SMIM14: variants seen among roughly 807,000 people sequenced by gnomAD.
The protein encoded by SMIM14 is chromosome 4 open reading frame 34.
SMIM14 carries 5 observed loss-of-function variants against 12.6 expected under a neutral mutation model. The observed-to-expected ratio is 0.40, with a 90% CI of 0.21 to 0.83. The LOEUF is 0.83. Among genes scored for constraint, SMIM14 ranks in the 40% least tolerant of loss-of-function variants. The pLI is 0.37. For synonymous variants in SMIM14, 30 were observed against 40.1 expected (o/e 0.75, Z 0.95); for missense variants, 86 against 119.1 (o/e 0.72, Z 1.29).
At position 39,637,664 on chromosome 4, in the gene SMIM14, G is replaced by A. The variant is rs566415254; in HGVS notation, c.-36+1075C>T. ...GGTCGCAGTGCTGTCGACGGCCGCG[G>A]AGAGCGGCAAGTTCGGAGCAGGCTA... On this transcript the variant is annotated intron_variant, in intron 1 of 4. Transcript: ENST00000295958. 8.5e-5 allele frequency among the ~76,000 whole-genome samples: 13 copies of A among 152,158 alleles called. 1 individual carries two copies. In the South Asian group the frequency reaches 2.7e-3, roughly 32 times the overall value.
intron 2 of SMIM14, among the ~76,000 whole-genome samples, chr4:39,587,735 G>A (rs942147262): frequency 3.3e-5 from 5 of 152,112 alleles, no homozygotes; most frequent in African/African-American, 9.6e-5. Context: ...CTGGGTGACA[G>A]AGCAAGACCC....
In SMIM14 at chr4:39,551,648, A is replaced by G. The variant is rs981160850; in HGVS notation, c.*478T>C. On this transcript the variant is annotated 3_prime_UTR_variant, in exon 5 of 5. Transcript: ENST00000295958. ...CCATCCACAAATAAACTACCAAGGT[A>G]AATGTAAATACAGCGTGGTTCTAAT... 1 of 152,722 alleles carries G rather than the reference A, an allele frequency of 6.5e-6. No individual in the cohort carries two copies. The highest frequency in any genetic ancestry group is 1.5e-5 in the Non-Finnish European group (1 of 68,086). 9.5% of individuals were successfully genotyped at this position (152,722 alleles called of 1,614,324 possible).
chr4:39,552,680 T>C (rs1346308041), intron 4 of SMIM14, among the ~76,000 whole-genome samples: 2 of 152,196 alleles, frequency 1.3e-5, no homozygotes, highest in African/African-American at 4.8e-5. Context: ...GTTGTTAGTA[T>C]GAGGAAAGAA....
rs1205601107 is a variant in SMIM14 at position 39,558,834 on chromosome 4, C to T, written c.125-2264G>A. Among the ~76,000 whole-genome samples, 1 of 152,088 alleles carries T rather than the reference C, an allele frequency of 6.6e-6. No homozygotes were observed. The highest frequency in any genetic ancestry group is 1.5e-5 in the Non-Finnish European group (1 of 68,020). ...AGCAATTCTCCTGTCTCAGTCTCCC[C>T]TGTAGCTGGGATTACAGGCACATGC... On this transcript the variant is annotated intron_variant, in intron 3 of 4. Transcript: ENST00000295958. This position sits in a 1 kb window ranked among gnomAD's most constrained non-coding sequence, Gnocchi z 4.3.
At chr4:39,617,338 G>A (rs866532107) in intron 1 of SMIM14, among the ~76,000 whole-genome samples, 4 of 152,090 alleles carry the variant, frequency 2.6e-5, no homozygotes, top group African/African-American at 9.7e-5. Flanking sequence ...CACTGTATAC[G>A]ATTATGTGTT....
intron 3 of SMIM14, among the ~76,000 whole-genome samples, chr4:39,565,937 C>CCA (rs1712549422): frequency 6.6e-6 from 1 of 151,970 alleles, no homozygotes; most frequent in African/African-American, 2.4e-5. Context: ...TTGACTGCCA[C>CCA]CATGTAAGAC....
chr4:39,620,179 GAA>G (rs112205096), intron 1 of SMIM14, among the ~76,000 whole-genome samples: 13 of 133,454 alleles, frequency 9.7e-5, no homozygotes, highest in East Asian at 4.2e-4. Context: ...TCTCTATTAA[GAA>G]AAAAAAAAAA....
chr4:39,622,592 G>A (rs1202014325), intron 1 of SMIM14, among the ~76,000 whole-genome samples: 1 of 152,078 alleles, frequency 6.6e-6, no homozygotes, highest in Admixed American at 6.6e-5. Context: ...GTAGAGACAG[G>A]GTTTCAGCAT....
intron 2 of SMIM14, among the ~76,000 whole-genome samples, chr4:39,575,025 A>AAAAAC (rs1437484664): frequency 3.9e-5 from 6 of 152,162 alleles, no homozygotes; most frequent in Admixed American, 1.3e-4. Context: ...GTTTCAAAAC[A>AAAAAC]AAAACAAAAC....
chr4:39,556,820 C>T (rs1339333286), intron 3 of SMIM14, among the ~76,000 whole-genome samples: 1 of 152,070 alleles, frequency 6.6e-6, no homozygotes, highest in Non-Finnish European at 1.5e-5. Flanking sequence ...CAGGGTCTTG[C>T]TCTATCAAAC....
At chr4:39,573,702 G>GA (rs903609271) in intron 2 of SMIM14, among the ~76,000 whole-genome samples, 41 of 149,774 alleles carry the variant, frequency 2.7e-4, no homozygotes, top group African/African-American at 2.4e-4. Flanking sequence ...AGCAGATAAA[G>GA]AAAAAAAAAC....
At chr4:39,581,330 T>C (rs1471092524) in intron 2 of SMIM14, among the ~76,000 whole-genome samples, 1 of 152,096 alleles carries the variant, frequency 6.6e-6, no homozygotes, top group African/African-American at 2.4e-5. Context: ...ACAATGGAGT[T>C]TTACACAGTT....
chr4:39,576,300 G>A (rs1713166652), intron 2 of SMIM14, among the ~76,000 whole-genome samples: 1 of 151,786 alleles, frequency 6.6e-6, no homozygotes, highest in Non-Finnish European at 1.5e-5. Flanking sequence ...AAATAGCATG[G>A]TATGACAGAA....
At chr4:39,554,824 C>T (rs1441092583) in intron 4 of SMIM14, among the ~76,000 whole-genome samples, 3 of 146,350 alleles carry the variant, frequency 2.0e-5, no homozygotes, top group Non-Finnish European at 4.5e-5. Context: ...CTGGCAAATT[C>T]ATGGAATTTT....
chr4:39,549,695 A>G lies in SMIM14; in HGVS notation c.*2431T>C, dbSNP rs1356802455. 2 of 152,212 alleles carry G rather than the reference A, an allele frequency of 1.3e-5. No individual in the cohort carries two copies. The highest frequency in any genetic ancestry group is 4.8e-5 in the African/African-American group (2 of 41,448). 9.4% of individuals were successfully genotyped at this position (152,212 alleles called of 1,614,324 possible). A position where few individuals can be genotyped will look rare whatever the true frequency, so the allele number is the denominator to read the frequency against. On this transcript the variant is annotated 3_prime_UTR_variant, in exon 5 of 5. Transcript: ENST00000295958. ...GTTAGGATATATGGGCAAGCCTTCTAAGTTCAAGAGGCAAGAGCAGAAAAT... is the reference window on the plus strand; with the variant it reads ...GTTAGGATATATGGGCAAGCCTTCTGAGTTCAAGAGGCAAGAGCAGAAAAT...
intron 2 of SMIM14, among the ~76,000 whole-genome samples, chr4:39,578,854 G>C (rs1380444945): frequency 6.6e-6 from 1 of 151,958 alleles, no homozygotes; most frequent in Non-Finnish European, 1.5e-5. Flanking sequence ...CAATTAGCCA[G>C]GCGTGGTGGC....
chr4:39,615,500 G>T (rs1160701323), intron 1 of SMIM14, among the ~76,000 whole-genome samples: 1 of 152,064 alleles, frequency 6.6e-6, no homozygotes, highest in Non-Finnish European at 1.5e-5. Context: ...TACCAAGAGT[G>T]AACCCTAATG....
chr4:39,636,846 C>G (rs963443134), intron 1 of SMIM14, among the ~76,000 whole-genome samples: 1 of 152,014 alleles, frequency 6.6e-6, no homozygotes, highest in Non-Finnish European at 1.5e-5. Flanking sequence ...AATAATAGAA[C>G]AGTTATAACA....
chr4:39,576,407 G>A (rs1713170735), intron 2 of SMIM14, among the ~76,000 whole-genome samples: 1 of 151,356 alleles, frequency 6.6e-6, no homozygotes, highest in Admixed American at 6.6e-5. Flanking sequence ...GCACATTTCA[G>A]GCAAAGTACA....
Sources: allele counts gnomAD v4.1 joint callset (sites outside exome capture counted in the v4.1 genomes callset), GRCh38; gene constraint gnomAD v4.1.1; non-coding constraint Gnocchi (gnomAD v3.1); transcripts MANE v1.5; gene names NCBI Gene and HGNC (gene_info 2026-07-23, HGNC 2026-07-21).